The following PAX5 variants were observed in gnomAD, a reference collection of about 807,000 sequenced individuals.
PAX5 encodes paired box 5.
Under a neutral mutation model 43.7 loss-of-function variants are expected in PAX5, and 9 were observed. That is an observed-to-expected ratio of 0.21 (90% CI 0.12 to 0.36). The LOEUF is 0.36. PAX5 is among the 10% of genes least tolerant of loss of function. PAX5 has a pLI of 1.00. For missense variants in PAX5, 383 were observed against 532.7 expected, an observed-to-expected ratio of 0.72 and a Z score of 2.77; for synonymous variants, 228 against 214.3, an observed-to-expected ratio of 1.06 and a Z score of -0.56.
chr9:37,011,363 A>G (rs1222276162), intron 3 of PAX5, among the ~76,000 whole-genome samples: 1 of 152,228 alleles, frequency 6.6e-6, no homozygotes, highest in East Asian at 1.9e-4. Context: ...TTGAAAAATC[A>G]GAACACCCAA....
intron 8 of PAX5, among the ~76,000 whole-genome samples, chr9:36,853,060 A>G (rs887082775): frequency 2.6e-5 from 4 of 152,154 alleles, no homozygotes; most frequent in African/African-American, 9.7e-5. Flanking sequence ...TCCTAATTCT[A>G]CCATCAATGT....
At chr9:36,930,871 G>T (rs542109792) in intron 6 of PAX5, 1 of 1,308,608 alleles carries the variant, frequency 7.6e-7, no homozygotes, top group Admixed American at 2.3e-5. Flanking sequence ...GCATCATTTG[G>T]GTCCCTAGGA....
At chr9:37,016,088 CAG>C (rs1473973640) in intron 2 of PAX5, among the ~76,000 whole-genome samples, 1 of 152,128 alleles carries the variant, frequency 6.6e-6, no homozygotes, top group Non-Finnish European at 1.5e-5. Context: ...AGGTATAAAG[CAG>C]AGATTCATCA....
At chr9:37,026,215 C>T (rs1840343944) in intron 1 of PAX5, among the ~76,000 whole-genome samples, 1 of 152,280 alleles carries the variant, frequency 6.6e-6, no homozygotes, top group South Asian at 2.1e-4. Flanking sequence ...TGCCCTCCAA[C>T]TGGCCTGGCC....
In PAX5 at chr9:37,019,041, G is replaced by C. The variant is rs191889425; in HGVS notation, c.212+1595C>G. Among the ~76,000 whole-genome samples the C allele has an allele frequency of 2.0e-3, 300 of 152,050 alleles. 1 individual carries two copies. The highest frequency in any genetic ancestry group is 6.6e-3 in the African/African-American group (273 of 41,468). ...CCTTCTTTCTCTCTCCCTCTCTCTC[G>C]GTACAATGAAGAGGCTCCACAAAAA... On this transcript the variant is annotated intron_variant, in intron 2 of 9. Coordinates refer to ENST00000358127, the MANE Select transcript of PAX5 (RefSeq NM_016734.3).
At chr9:36,990,845 C>T (rs994890373) in intron 5 of PAX5, among the ~76,000 whole-genome samples, 4 of 152,224 alleles carry the variant, frequency 2.6e-5, no homozygotes, top group Non-Finnish European at 4.4e-5. Flanking sequence ...CGCAGTGGCT[C>T]ACGCCTGTAA....
At chr9:36,950,129 C>G (rs1443486142) in intron 6 of PAX5, among the ~76,000 whole-genome samples, 1 of 152,172 alleles carries the variant, frequency 6.6e-6, no homozygotes, top group Non-Finnish European at 1.5e-5. Context: ...CCTGATGAGC[C>G]GGCTCTTGCC....
intron 2 of PAX5, among the ~76,000 whole-genome samples, chr9:37,018,690 C>T (rs185392035): frequency 6.6e-6 from 1 of 152,020 alleles, no homozygotes; most frequent in Non-Finnish European, 1.5e-5. Context: ...ACATTTTGTC[C>T]ACTGTGGTTC....
chr9:36,988,584 G>A (rs1271415043), intron 5 of PAX5, among the ~76,000 whole-genome samples: 1 of 148,952 alleles, frequency 6.7e-6, no homozygotes, highest in Non-Finnish European at 1.5e-5. Flanking sequence ...GATCACTTGA[G>A]CCCACGAGGT....
At chr9:36,941,824 A>C (rs1340464873) in intron 6 of PAX5, among the ~76,000 whole-genome samples, 2 of 152,016 alleles carry the variant, frequency 1.3e-5, no homozygotes, top group African/African-American at 4.8e-5. Context: ...AAATGGTTAC[A>C]CCTGGCCTCC....
chr9:37,003,928 A>G (rs962259461), intron 4 of PAX5, among the ~76,000 whole-genome samples: 9 of 152,280 alleles, frequency 5.9e-5, no homozygotes, highest in African/African-American at 1.9e-4. Context: ...CTTCGCACTA[A>G]TAAACAATGA....
In PAX5 at chr9:36,882,080, G is replaced by A. The variant is rs1826475877; in HGVS notation, c.936C>T (p.Leu312=). 6.2e-7 allele frequency: 1 copy of A among 1,605,502 alleles called. No homozygotes were observed. Among genetic ancestry groups the A allele is most frequent in the Non-Finnish European group, 8.5e-7 (1 of 1,174,666 alleles). ...GGGGGACGTGTGGAGGGTACCCGGG[G>A]AGGGTCGTGCTCGCCAAGTCACGGC... ...VTGRDLASTT[L]PGYPPHVPPA... Residue 312 remains leucine, a synonymous_variant, in exon 8 of 10, where the codon CTC becomes CTT. Coordinates refer to ENST00000358127, the MANE Select transcript of PAX5 (RefSeq NM_016734.3). This position sits in a 1 kb window ranked among gnomAD's most constrained non-coding sequence, Gnocchi z 4.4.
At chr9:36,848,349 T>TA (rs1563886348) in intron 8 of PAX5, among the ~76,000 whole-genome samples, 21 of 10,342 alleles carry the variant, frequency 2.0e-3, no homozygotes, top group East Asian at 7.6e-3. Context: ...GCAGAGCGTG[T>TA]CCACACACAC....
chr9:37,003,513 A>G (rs1838121934), intron 4 of PAX5, among the ~76,000 whole-genome samples: 1 of 152,230 alleles, frequency 6.6e-6, no homozygotes, highest in Non-Finnish European at 1.5e-5. Flanking sequence ...CTCAGAGAAG[A>G]TAAGTGGCTC....
intron 5 of PAX5, among the ~76,000 whole-genome samples, chr9:36,980,692 C>T (rs779448906): frequency 2.0e-5 from 3 of 152,072 alleles, no homozygotes; most frequent in Admixed American, 6.5e-5. Context: ...GGCCCAGGGT[C>T]GAGTGGGAGC....
chr9:37,008,065 T>A (rs1838613515), intron 3 of PAX5: 2 of 152,240 alleles, frequency 1.3e-5, no homozygotes, highest in Admixed American at 6.5e-5. Context: ...TTTGCTTTTT[T>A]GTTTTTCTTT....
In PAX5 at chr9:37,001,187, C is replaced by T. The variant is rs75262666; in HGVS notation, c.604+1461G>A. ...CAGACTGCAAGCCAATATAGCACTCCGAAAACAAAGTAAATAATGCCCCCA... is the reference window on the plus strand; with the variant it reads ...CAGACTGCAAGCCAATATAGCACTCTGAAAACAAAGTAAATAATGCCCCCA... On this transcript the variant is annotated intron_variant, in intron 5 of 9. Coordinates refer to ENST00000358127, the MANE Select transcript of PAX5 (RefSeq NM_016734.3). 4.4e-3 allele frequency among the ~76,000 whole-genome samples: 670 copies of T among 152,280 alleles called. 4 individuals carry two copies. Among genetic ancestry groups the T allele is most frequent in the Non-Finnish European group, 7.1e-3 (482 of 68,020 alleles).
chr9:36,900,784 G>A (rs1175533831), intron 7 of PAX5, among the ~76,000 whole-genome samples: 1 of 152,012 alleles, frequency 6.6e-6, no homozygotes, highest in Non-Finnish European at 1.5e-5. Flanking sequence ...CATGCCCCCA[G>A]TCCTGACCCC....
chr9:36,940,151 T>G (rs1319332566), intron 6 of PAX5, among the ~76,000 whole-genome samples: 1 of 152,194 alleles, frequency 6.6e-6, no homozygotes, highest in Non-Finnish European at 1.5e-5. Flanking sequence ...CACAGCCCAC[T>G]TGAGGCAATT....
Sources: gnomAD v4.1 joint callset for allele counts (sites outside exome capture counted in the v4.1 genomes callset) on GRCh38, gnomAD v4.1.1 for gene constraint, Gnocchi (gnomAD v3.1) non-coding constraint, MANE v1.5 for transcripts, NCBI Gene and HGNC (gene_info 2026-07-23, HGNC 2026-07-21) for gene names.